Variants in GRIK1 observed in about 807,000 individuals in gnomAD.
GRIK1 encodes the protein glutamate ionotropic receptor kainate type subunit 1.
GRIK1 carries 69 observed loss-of-function variants against 105.7 expected under a neutral mutation model. The observed-to-expected ratio is 0.65, with a 90% CI of 0.54 to 0.80. The LOEUF is 0.80. Among genes scored for constraint, GRIK1 ranks in the 30% least tolerant of loss-of-function variants. GRIK1 has a pLI of 0.00. For synonymous variants in GRIK1, 438 were observed against 431.3 expected (o/e 1.02, Z -0.19); for missense variants, 1,109 against 1,167.3 (o/e 0.95, Z 0.73).
rs961614453 is a variant in GRIK1, at chr21:29,776,491, T to C, written c.119-82428A>G. 3.3e-5 allele frequency among the ~76,000 whole-genome samples: 5 copies of C among 152,308 alleles called. No individual in the cohort carries two copies. In the East Asian group the frequency reaches 7.7e-4, roughly 24 times the overall value. On this transcript the variant is annotated intron_variant, in intron 1 of 17. Transcript: ENST00000327783. Reference sequence around the variant, plus strand: ...ATGAAGGCATATTGCTCAATTTTTATTTATGGAGTTGAAATTTAAGTCTAC... The same window carrying C: ...ATGAAGGCATATTGCTCAATTTTTACTTATGGAGTTGAAATTTAAGTCTAC...
intron 1 of GRIK1, among the ~76,000 whole-genome samples, chr21:29,790,302 C>T (rs1215504637): frequency 2.6e-5 from 4 of 152,168 alleles, no homozygotes; most frequent in Non-Finnish European, 5.9e-5. Flanking sequence ...CCACCTCGGC[C>T]TCCCAAAGTG....
At chr21:29,565,497 A>C (rs1001049383) in intron 14 of GRIK1, among the ~76,000 whole-genome samples, 1 of 152,200 alleles carries the variant, frequency 6.6e-6, no homozygotes, top group Non-Finnish European at 1.5e-5. Flanking sequence ...CAATGGCACG[A>C]TCTCGGCTCA....
intron 14 of GRIK1, among the ~76,000 whole-genome samples, chr21:29,567,810 A>C (rs900288224): frequency 2.6e-5 from 4 of 152,240 alleles, no homozygotes; most frequent in African/African-American, 9.6e-5. Context: ...ATTTCATTAA[A>C]TAATAAATTC....
intron 14 of GRIK1, among the ~76,000 whole-genome samples, chr21:29,572,390 C>T (rs1485053701): frequency 2.0e-5 from 3 of 152,080 alleles, no homozygotes; most frequent in Admixed American, 1.3e-4. Context: ...TTGTGTGGGT[C>T]CCTATGTATC....
chr21:29,805,619 A>G (rs2066842603), intron 1 of GRIK1, among the ~76,000 whole-genome samples: 3 of 152,162 alleles, frequency 2.0e-5, no homozygotes, highest in Non-Finnish European at 4.4e-5. Context: ...ATTCCAGTCA[A>G]TAAAGCAATC....
chr21:29,811,300 T>C (rs2067003037), intron 1 of GRIK1, among the ~76,000 whole-genome samples: 1 of 152,118 alleles, frequency 6.6e-6, no homozygotes, highest in Non-Finnish European at 1.5e-5. Context: ...TTAAATTATA[T>C]TTTCACTCAT....
chr21:29,782,152 T>C (rs2066134298), intron 1 of GRIK1, among the ~76,000 whole-genome samples: 2 of 150,014 alleles, frequency 1.3e-5, no homozygotes, highest in African/African-American at 4.9e-5. Context: ...AGTGGCGCGA[T>C]CTCGGCTCAC....
intron 11 of GRIK1, among the ~76,000 whole-genome samples, chr21:29,587,964 CTTTTTTTTTT>C (rs568648777): frequency 4.6e-5 from 3 of 65,406 alleles, no homozygotes; most frequent in African/African-American, 6.6e-5. Context: ...CTTTAAAATT[CTTTTTTTTTT>C]TTTTTTTTTT....
intron 1 of GRIK1, among the ~76,000 whole-genome samples, chr21:29,792,107 GTA>G (rs1317457092): frequency 1.3e-5 from 2 of 152,026 alleles, no homozygotes; most frequent in African/African-American, 4.8e-5. Context: ...ATGTGTGTGT[GTA>G]TATAGTATAT....
At chr21:29,603,477 A>G (rs904759047) in intron 7 of GRIK1, among the ~76,000 whole-genome samples, 1 of 152,174 alleles carries the variant, frequency 6.6e-6, no homozygotes, top group African/African-American at 2.4e-5. Context: ...ACCTATTGCC[A>G]CACCGGCTGA....
intron 1 of GRIK1, among the ~76,000 whole-genome samples, chr21:29,846,710 G>C (rs2068136557): frequency 7.0e-6 from 1 of 142,096 alleles, no homozygotes; most frequent in South Asian, 2.3e-4. Context: ...TGAGAAGGGA[G>C]AAGGTATGCT....
intron 1 of GRIK1, among the ~76,000 whole-genome samples, chr21:29,754,614 A>G (rs2065288265): frequency 6.6e-6 from 1 of 152,214 alleles, no homozygotes; most frequent in African/African-American, 2.4e-5. Context: ...CAATGTGTCA[A>G]CTTGACCAGG....
In GRIK1 at chr21:29,546,493, C is replaced by T. The variant is rs150930340; in HGVS notation, c.2607+8559G>A. Among the ~76,000 whole-genome samples, 59 of 152,296 alleles carry T rather than the reference C, an allele frequency of 3.9e-4. No individual in the cohort carries two copies. The East Asian group carries it at 0.011, about 27-fold the overall frequency. ...GTGGTTTCTATTCTTCTTCATCCTC[C>T]CAAGTGTGAACTTGGCTCAGAGATG... On this transcript the variant is annotated intron_variant, in intron 16 of 17. Transcript: ENST00000327783.
chr21:29,842,527 C>A (rs976088742), intron 1 of GRIK1, among the ~76,000 whole-genome samples: 1 of 152,112 alleles, frequency 6.6e-6, no homozygotes, highest in Non-Finnish European at 1.5e-5. Flanking sequence ...TAACTTCAGA[C>A]GAAAGAACAT....
At chr21:29,598,794 T>G in intron 8 of GRIK1, 36 bp downstream of exon 8, 1 of 932,616 alleles carries the variant, frequency 1.1e-6, no homozygotes, top group South Asian at 1.5e-5. Flanking sequence ...ACAATGTTCA[T>G]TTGTTATTTT....
At chr21:29,575,156 T>G in intron 14 of GRIK1, among the ~76,000 whole-genome samples, 1 of 152,246 alleles carries the variant, frequency 6.6e-6, no homozygotes, top group Admixed American at 6.5e-5. Context: ...TTATTAAACA[T>G]TATAACTTAT....
In GRIK1 at chr21:29,537,837, C is replaced by A. The variant is rs760061613; in HGVS notation, c.2655G>T (p.Arg885Ser). 1.3e-6 allele frequency: 2 copies of A among 1,532,210 alleles called. No homozygotes were observed. The highest frequency in any genetic ancestry group is 1.8e-6 in the Non-Finnish European group (2 of 1,108,386). The allele number at this position is 1,532,210 out of a possible 1,614,324, so 94.9% of individuals were successfully genotyped here. A position where few individuals can be genotyped will look rare whatever the true frequency, so the allele number is the denominator to read the frequency against. The change falls in exon 17 of 18, where the codon AGG becomes AGT. Residue 885 changes from arginine (R) to serine (S), a missense_variant. By Grantham distance (110) the Arg-to-Ser change is moderately radical. Around this residue, in one of 5 missense-constraint regions of GRIK1, gnomAD observed 161 missense variants for 143.4 expected, o/e 1.12. Coordinates refer to ENST00000327783, the MANE Select transcript of GRIK1 (RefSeq NM_001330994.2). The stretch of plus-strand genomic sequence containing the variant: ...GGCTTTGTTTTTTTCTCCCATGAAA[C>A]CTTACTTTGTTCCTAAAATAAAATC... ...RIRFYFRNKV[R>S]FHGRKKQSLG...
intron 1 of GRIK1, among the ~76,000 whole-genome samples, chr21:29,715,826 G>A (rs531266405): frequency 2.0e-5 from 3 of 151,878 alleles, no homozygotes; most frequent in Non-Finnish European, 2.9e-5. Context: ...CAAGCACAAT[G>A]TTAAGTTCTT....
intron 1 of GRIK1, among the ~76,000 whole-genome samples, chr21:29,793,876 C>A (rs2066489562): frequency 6.6e-6 from 1 of 152,192 alleles, no homozygotes; most frequent in Admixed American, 6.5e-5. Flanking sequence ...TTTTAGGAAG[C>A]ATTCCACGCA....
Sources: allele counts gnomAD v4.1 joint callset (sites outside exome capture counted in the v4.1 genomes callset), GRCh38; gene constraint gnomAD v4.1.1; regional missense constraint gnomAD v4.1.1; transcripts MANE v1.5; gene names NCBI Gene and HGNC (gene_info 2026-07-23, HGNC 2026-07-21).